STK24: variants seen among roughly 807,000 people sequenced by gnomAD.
STK24 encodes serine/threonine kinase 24, also known as serine/threonine-protein kinase 24.
In STK24, 21 loss-of-function variants were observed where a neutral mutation model predicts 55.6. The observed-to-expected ratio is 0.38, with a 90% CI of 0.27 to 0.54. The LOEUF is 0.54. Ranked by LOEUF, STK24 falls within the 20% of genes least tolerant of loss-of-function variation. STK24 has a pLI of 0.79. For missense variants in STK24, 383 were observed against 538.4 expected, an observed-to-expected ratio of 0.71 and a Z score of 2.86; for synonymous variants, 200 against 215.2, an observed-to-expected ratio of 0.93 and a Z score of 0.62.
At chr13:98,561,507 G>A (rs113239022) in intron 1 of STK24, among the ~76,000 whole-genome samples, 4 of 152,122 alleles carry the variant, frequency 2.6e-5, no homozygotes, top group African/African-American at 7.2e-5. Flanking sequence ...ACTTGAAGCC[G>A]GGAGGCAGAG....
chr13:98,517,274 C>T (rs541675375), intron 2 of STK24, among the ~76,000 whole-genome samples: 19 of 152,304 alleles, frequency 1.2e-4, no homozygotes, highest in Admixed American at 8.5e-4. Flanking sequence ...GGGAATAGTA[C>T]GCAGTACAGT....
At chr13:98,527,778 A>C (rs1896474505) in intron 1 of STK24, among the ~76,000 whole-genome samples, 1 of 152,222 alleles carries the variant, frequency 6.6e-6, no homozygotes, top group South Asian at 2.1e-4. Flanking sequence ...CCACAGACGC[A>C]GAGCCAGCGG....
At chr13:98,502,989 T>A (rs930359900) in intron 2 of STK24, among the ~76,000 whole-genome samples, 15 of 147,386 alleles carry the variant, frequency 1.0e-4, no homozygotes, top group African/African-American at 3.5e-4. Flanking sequence ...GGCTCACACA[T>A]CCCATAATGA....
intron 2 of STK24, among the ~76,000 whole-genome samples, chr13:98,513,856 A>G (rs150648490): frequency 2.0e-4 from 31 of 152,344 alleles, no homozygotes; most frequent in African/African-American, 6.0e-4. Context: ...ACCCACACCA[A>G]GCATATATCT....
intron 5 of STK24, among the ~76,000 whole-genome samples, chr13:98,471,043 C>T (rs768484603): frequency 5.3e-5 from 8 of 152,228 alleles, no homozygotes; most frequent in Non-Finnish European, 8.8e-5. Context: ...CCCAACATTA[C>T]TCATGCAAAA....
intron 2 of STK24, among the ~76,000 whole-genome samples, chr13:98,506,218 C>A (rs1237960549): frequency 6.6e-6 from 1 of 152,192 alleles, no homozygotes; most frequent in Non-Finnish European, 1.5e-5. Flanking sequence ...TTCTCTAGAG[C>A]CCGACGGGTC....
At chr13:98,470,250 T>C (rs1894090703) in intron 5 of STK24, among the ~76,000 whole-genome samples, 1 of 152,118 alleles carries the variant, frequency 6.6e-6, no homozygotes. Flanking sequence ...TAGCTGGGAC[T>C]ATAGGGCATA....
chr13:98,503,378 T>C (rs1895562408), intron 2 of STK24, among the ~76,000 whole-genome samples: 1 of 152,152 alleles, frequency 6.6e-6, no homozygotes, highest in Admixed American at 6.5e-5. Flanking sequence ...CAAAAAGTAA[T>C]ACCAAACTTG....
chr13:98,507,445 ATAG>A (rs1895731007), intron 2 of STK24, among the ~76,000 whole-genome samples: 1 of 152,178 alleles, frequency 6.6e-6, no homozygotes, highest in African/African-American at 2.4e-5. Context: ...CCTAGTGTTG[ATAG>A]TAGAAGAAAA....
intron 10 of STK24, 126 bp downstream of exon 10, chr13:98,457,042 C>T: frequency 2.6e-6 from 3 of 1,165,622 alleles, no homozygotes; most frequent in Non-Finnish European, 3.5e-6. Flanking sequence ...TCAACTCTGT[C>T]TACCCTGAGG....
intron 1 of STK24, among the ~76,000 whole-genome samples, chr13:98,549,929 T>A (rs1474612069): frequency 6.6e-6 from 1 of 152,186 alleles, no homozygotes; most frequent in Non-Finnish European, 1.5e-5. Flanking sequence ...AGTAGCTACC[T>A]ATTTCCTTGC....
chr13:98,535,988 C>T (rs1225529143), intron 1 of STK24, among the ~76,000 whole-genome samples: 8 of 152,188 alleles, frequency 5.3e-5, no homozygotes, highest in Admixed American at 6.5e-5. Flanking sequence ...CAGACCAAAT[C>T]GTTTTGGTGT....
At chr13:98,512,918 T>C (rs922121379) in intron 2 of STK24, among the ~76,000 whole-genome samples, 3 of 152,024 alleles carry the variant, frequency 2.0e-5, no homozygotes, top group Non-Finnish European at 1.5e-5. Flanking sequence ...GAAAGCAGGG[T>C]TTATAAGGAA....
intron 10 of STK24, chr13:98,454,275 C>G (rs1045597150): frequency 6.6e-6 from 1 of 152,190 alleles, no homozygotes; most frequent in Non-Finnish European, 1.5e-5. Context: ...AAAAATTCTA[C>G]AAGATTGTCT....
Position 98,461,783 on chromosome 13 carries a change from G to T in STK24, c.1044C>A (p.Asp348Glu), listed in dbSNP as rs187486106. 6.2e-7 allele frequency: 1 copy of T among 1,614,052 alleles called. No homozygotes were observed. Among genetic ancestry groups the T allele is most frequent in the Admixed American group, 1.7e-5 (1 of 60,024 alleles). ...ENGALQPSDLDRNKMKDIPKR... is the reference protein window; with the variant it reads ...ENGALQPSDLERNKMKDIPKR... ...GAGTGAGCAGACGTACCTTATTTCTGTCCAAGTCCGATGGCTGAAGAGCTC... is the reference window on the plus strand; with the variant it reads ...GAGTGAGCAGACGTACCTTATTTCTTTCCAAGTCCGATGGCTGAAGAGCTC... Residue 348 changes from aspartate to glutamate, a missense_variant, in exon 8 of 11, where the codon GAC becomes GAA. Physicochemically the swap from Asp to Glu is conservative, Grantham distance 45. Transcript: ENST00000539966.
At chr13:98,531,783 T>C (rs1896585617) in intron 1 of STK24, among the ~76,000 whole-genome samples, 1 of 152,082 alleles carries the variant, frequency 6.6e-6, no homozygotes. Context: ...TAGACATCAC[T>C]AACTACCCAA....
At chr13:98,522,463 T>C (rs893437937) in intron 1 of STK24, among the ~76,000 whole-genome samples, 9 of 152,194 alleles carry the variant, frequency 5.9e-5, no homozygotes, top group African/African-American at 2.2e-4. Context: ...TTCTGATCAA[T>C]TGCCACCTTG....
In STK24 at chr13:98,447,958, ACCAGAGG is replaced by A; in HGVS notation, c.*5208_*5214del. 1 of 484,078 alleles carries A rather than the reference ACCAGAGG, an allele frequency of 2.1e-6. No individual in the cohort carries two copies. The highest frequency in any genetic ancestry group is 3.7e-5 in the East Asian group (1 of 27,134). 30.0% of individuals were successfully genotyped at this position (484,078 alleles called of 1,614,324 possible). On this transcript the variant is annotated 3_prime_UTR_variant, in exon 11 of 11. Coordinates refer to ENST00000539966, the MANE Select transcript of STK24 (RefSeq NM_001032296.4). ...ATAGGAGGTAGCGTTCTCCCCAGCA[ACCAGAGG>A]CCACCTCGCTCCTAACTGCTCCAAT... is the stretch of plus-strand genomic sequence containing the variant.
intron 3 of STK24, 32 bp from the exon 4 acceptor site, chr13:98,475,390 T>A: frequency 6.9e-7 from 1 of 1,448,732 alleles, no homozygotes; most frequent in Non-Finnish European, 9.5e-7. Context: ...TAAAGTTACT[T>A]AAATGATTAT....
Sources: allele counts gnomAD v4.1 joint callset (sites outside exome capture counted in the v4.1 genomes callset), GRCh38; gene constraint gnomAD v4.1.1; transcripts MANE v1.5; gene names NCBI Gene and HGNC (gene_info 2026-07-23, HGNC 2026-07-21).